Variants in C12orf42 observed in about 807,000 individuals in gnomAD.
C12orf42 encodes chromosome 12 open reading frame 42, also known as uncharacterized protein C12orf42.
C12orf42 carries 25 observed loss-of-function variants against 21.6 expected under a neutral mutation model. That is an observed-to-expected ratio of 1.16 (90% CI 0.84 to 1.62). C12orf42 has a LOEUF of 1.62. Among genes scored for constraint, C12orf42 ranks in the 40% most tolerant of loss-of-function variants. The pLI, the probability that C12orf42 is intolerant of heterozygous loss-of-function variation, is 0.00. For synonymous variants in C12orf42, 174 were observed against 175.0 expected (o/e 0.99, Z 0.05); for missense variants, 483 against 459.3 (o/e 1.05, Z -0.47).
intron 4 of C12orf42, among the ~76,000 whole-genome samples, chr12:103,314,007 G>A (rs1243300671): frequency 6.6e-6 from 1 of 152,128 alleles, no homozygotes; most frequent in African/African-American, 2.4e-5. Context: ...GAAAAACAAG[G>A]TGCTGAGACA....
intron 2 of C12orf42, among the ~76,000 whole-genome samples, chr12:103,417,602 G>A (rs1255555940): frequency 3.3e-5 from 5 of 152,040 alleles, no homozygotes; most frequent in African/African-American, 4.8e-5. Context: ...TCTCCTATCC[G>A]CATCCAGGTC....
the C12orf42 span, among the ~76,000 whole-genome samples, chr12:103,119,393 T>C: frequency 6.6e-6 from 1 of 152,306 alleles, no homozygotes; most frequent in East Asian, 1.9e-4. Context: ...ATGTAGTTTT[T>C]CCCCTCATTT....
the C12orf42 span, among the ~76,000 whole-genome samples, chr12:103,511,826 T>G: frequency 9.2e-5 from 14 of 152,228 alleles, no homozygotes; most frequent in Non-Finnish European, 1.5e-4. Context: ...TTATATGAAA[T>G]CCCTAAATAT....
At chr12:103,101,689 C>T in the C12orf42 span, among the ~76,000 whole-genome samples, 1 of 152,190 alleles carries the variant, frequency 6.6e-6, no homozygotes, top group African/African-American at 2.4e-5. Flanking sequence ...TAAAAGTCAG[C>T]TTTTGTTGTA....
At chr12:103,456,003 C>T (rs745820056) in intron 2 of C12orf42, among the ~76,000 whole-genome samples, 4 of 152,084 alleles carry the variant, frequency 2.6e-5, no homozygotes, top group Non-Finnish European at 5.9e-5. Context: ...ATTACTCATA[C>T]ATAGGCAGCA....
At chr12:103,084,528 T>C in the C12orf42 span, among the ~76,000 whole-genome samples, 2 of 152,194 alleles carry the variant, frequency 1.3e-5, no homozygotes, top group Non-Finnish European at 2.9e-5. Context: ...CAGTTGTAGA[T>C]ATATATAAAT....
At chr12:103,118,119 C>A in the C12orf42 span, among the ~76,000 whole-genome samples, 1 of 152,136 alleles carries the variant, frequency 6.6e-6, no homozygotes, top group Non-Finnish European at 1.5e-5. Flanking sequence ...GCAGCTCATG[C>A]CTGGAGGGAA....
intron 2 of C12orf42, among the ~76,000 whole-genome samples, chr12:103,468,658 C>T (rs1197751969): frequency 2.0e-5 from 3 of 150,774 alleles, no homozygotes; most frequent in Non-Finnish European, 4.4e-5. Context: ...CAAGTGCCCA[C>T]AAAACTGCTA....
chr12:103,154,052 A>G, the C12orf42 span, among the ~76,000 whole-genome samples: 1 of 146,854 alleles, frequency 6.8e-6, no homozygotes, highest in African/African-American at 2.6e-5. Context: ...AAAAAAAAAG[A>G]ATGTGGAGGA....
the C12orf42 span, among the ~76,000 whole-genome samples, chr12:103,101,115 C>A: frequency 1.3e-5 from 2 of 152,184 alleles, no homozygotes; most frequent in Non-Finnish European, 2.9e-5. Flanking sequence ...CTAATACCAA[C>A]TTCACAAGGT....
the C12orf42 span, among the ~76,000 whole-genome samples, chr12:103,502,491 C>T: frequency 7.2e-5 from 11 of 151,992 alleles, no homozygotes; most frequent in African/African-American, 2.7e-4. Flanking sequence ...ACAAACACAC[C>T]TCCCGTGTGC....
chr12:103,358,949 C>G (rs1188752214), intron 4 of C12orf42, among the ~76,000 whole-genome samples: 3 of 152,086 alleles, frequency 2.0e-5, no homozygotes, highest in African/African-American at 7.2e-5. Context: ...ATCCAAAACT[C>G]CCCATTGTAA....
intron 5 of C12orf42, among the ~76,000 whole-genome samples, chr12:103,304,883 A>G (rs1008849758): frequency 2.6e-5 from 4 of 152,152 alleles, no homozygotes; most frequent in African/African-American, 9.7e-5. Context: ...TTCTAGTTCA[A>G]AGAAAGTTCT....
chr12:103,082,971 C>A, the C12orf42 span, among the ~76,000 whole-genome samples: 9 of 152,138 alleles, frequency 5.9e-5, no homozygotes, highest in South Asian at 2.1e-4. Context: ...GTGGGAGTTT[C>A]AGGAAGAGCT....
At chr12:103,263,142 G>C (rs1017779169) in intron 10 of C12orf42, among the ~76,000 whole-genome samples, 8 of 151,972 alleles carry the variant, frequency 5.3e-5, no homozygotes, top group Non-Finnish European at 1.0e-4. Flanking sequence ...CACACACCAG[G>C]GTCTATTGGG....
intron 4 of C12orf42, among the ~76,000 whole-genome samples, chr12:103,316,344 C>T (rs2039493174): frequency 6.6e-6 from 1 of 151,780 alleles, no homozygotes; most frequent in Admixed American, 6.6e-5. Flanking sequence ...ATTCTATATC[C>T]AGTAAAATTA....
chr12:103,122,866 C>T, the C12orf42 span, among the ~76,000 whole-genome samples: 2 of 152,106 alleles, frequency 1.3e-5, no homozygotes, highest in African/African-American at 2.4e-5. Flanking sequence ...AGCTGCCTTG[C>T]ATCCTAGCAG....
chr12:103,281,364 T>C (rs1031813201), intron 4 of C12orf42, among the ~76,000 whole-genome samples: 1 of 152,108 alleles, frequency 6.6e-6, no homozygotes, highest in African/African-American at 2.4e-5. Flanking sequence ...CATCCTGACG[T>C]GTTTGTTGTT....
intron 10 of C12orf42, among the ~76,000 whole-genome samples, chr12:103,254,654 T>C (rs1342853260): frequency 6.6e-6 from 1 of 152,154 alleles, no homozygotes; most frequent in Non-Finnish European, 1.5e-5. Context: ...CTCAAACTAA[T>C]ACGGGAACAG....
Sources: gnomAD v4.1 joint callset for allele counts (sites outside exome capture counted in the v4.1 genomes callset) on GRCh38, gnomAD v4.1.1 for gene constraint, MANE v1.5 for transcripts, NCBI Gene and HGNC (gene_info 2026-07-23, HGNC 2026-07-21) for gene names.